CPM: variants seen among roughly 807,000 people sequenced by gnomAD.
CPM encodes the protein carboxypeptidase M.
CPM carries 35 observed loss-of-function variants against 46.4 expected under a neutral mutation model. The ratio of observed to expected loss-of-function variants is 0.75; its 90% CI spans 0.58 to 1.00. The LOEUF is 1.00. Ranked by LOEUF, CPM falls within the 50% of genes least tolerant of loss-of-function variation. CPM has a pLI of 0.00. For synonymous variants in CPM, 195 were observed against 195.3 expected (o/e 1.00, Z 0.01); for missense variants, 422 against 530.4 (o/e 0.80, Z 2.01).
At chr12:68,948,956 T>C (rs1183965896) in intron 1 of CPM, among the ~76,000 whole-genome samples, 1 of 152,188 alleles carries the variant, frequency 6.6e-6, no homozygotes, top group East Asian at 1.9e-4. Context: ...CCACAGTTAT[T>C]TGTGGGAATA....
intron 5 of CPM, chr12:68,844,749 TTAA>T (rs1184746235): frequency 4.8e-6 from 1 of 208,866 alleles, no homozygotes; most frequent in African/African-American, 2.3e-5. Context: ...TTTTAAATCC[TTAA>T]TAAGGGTTTT....
At position 68,856,229 on chromosome 12, in the gene CPM, T is replaced by C. The variant is rs59415987; in HGVS notation, c.*208A>G. ...GAGCAGTACTTGTTAGGTAAGTGTC[T>C]TCCATTCACCGTCAAGACTGAATCA... is the stretch of plus-strand genomic sequence containing the variant. On this transcript the variant is annotated 3_prime_UTR_variant, in exon 9 of 9. Coordinates refer to ENST00000551568, the MANE Select transcript of CPM (RefSeq NM_198320.5). The C allele has an allele frequency of 0.029, 16,616 of 580,866 alleles. 2,068 individuals carry two copies. The highest frequency in any genetic ancestry group is 0.27 in the African/African-American group (14,717 of 53,790). The allele number at this position is 580,866 out of a possible 1,614,324, so 36.0% of individuals were successfully genotyped here. A position where few individuals can be genotyped will look rare whatever the true frequency, so the allele number is the denominator to read the frequency against.
At chr12:68,951,455 C>G (rs531477233) in intron 1 of CPM, among the ~76,000 whole-genome samples, 38 of 152,228 alleles carry the variant, frequency 2.5e-4, no homozygotes, top group African/African-American at 7.2e-4. Context: ...CTAGCTTCAT[C>G]TTGGTGGTGA....
intron 3 of CPM, among the ~76,000 whole-genome samples, chr12:68,882,877 C>T (rs868707759): frequency 4.6e-5 from 7 of 151,876 alleles, no homozygotes; most frequent in African/African-American, 1.2e-4. Flanking sequence ...AAAAAAAGAC[C>T]CAATTCTAAA....
At chr12:68,924,236 C>T (rs1385193020) in intron 2 of CPM, among the ~76,000 whole-genome samples, 1 of 151,546 alleles carries the variant, frequency 6.6e-6, no homozygotes, top group Admixed American at 6.6e-5. Flanking sequence ...GTGGCTCACG[C>T]CTGTAATCCC....
rs1884725312 is a variant in CPM at position 68,852,189 on chromosome 12, ACATCCAACAGTT to A, written c.*4236_*4247del. On this transcript the variant is annotated 3_prime_UTR_variant, in exon 9 of 9. Coordinates refer to ENST00000551568, the MANE Select transcript of CPM (RefSeq NM_198320.5). ...AGAAAAAGCTTTTAACATTTCAGAT[ACATCCAACAGTT>A]CATGTCTGAATGTAATTAAGCATCC... 1 of 152,246 alleles carries A rather than the reference ACATCCAACAGTT, an allele frequency of 6.6e-6. No individual in the cohort carries two copies. The allele number at this position is 152,246 out of a possible 1,614,324, so 9.4% of individuals were successfully genotyped here.
At chr12:68,926,173 C>G (rs1039241600) in intron 2 of CPM, among the ~76,000 whole-genome samples, 1 of 152,184 alleles carries the variant, frequency 6.6e-6, no homozygotes, top group Admixed American at 6.5e-5. Context: ...CTGCCTCAGC[C>G]TCCCAAAGTG....
intron 2 of CPM, among the ~76,000 whole-genome samples, chr12:68,910,836 C>G (rs1177935166): frequency 6.6e-6 from 1 of 152,080 alleles, no homozygotes; most frequent in African/African-American, 2.4e-5. Context: ...AGAAAGCTCT[C>G]ATCTGTGATG....
chr12:68,933,345 G>A (rs1486895629), upstream of CPM: 1 of 152,010 alleles, frequency 6.6e-6, no homozygotes, highest in Admixed American at 6.6e-5. Context: ...GCCCTTTCGT[G>A]GCGCGGCTGC....
At chr12:68,858,002 T>C (rs949078984) in intron 8 of CPM, among the ~76,000 whole-genome samples, 4 of 152,176 alleles carry the variant, frequency 2.6e-5, no homozygotes, top group Non-Finnish European at 5.9e-5. Flanking sequence ...GGATTAGCAA[T>C]TGATAAGCCT....
At chr12:68,895,291 C>T (rs1886824908) in intron 2 of CPM, among the ~76,000 whole-genome samples, 1 of 152,054 alleles carries the variant, frequency 6.6e-6, no homozygotes. Flanking sequence ...TGTACCACTT[C>T]TGGGCAGAGC....
At chr12:68,902,908 G>A (rs978436737) in intron 2 of CPM, among the ~76,000 whole-genome samples, 2 of 152,148 alleles carry the variant, frequency 1.3e-5, no homozygotes, top group African/African-American at 2.4e-5. Flanking sequence ...AATAAAGTAA[G>A]AGCTTCATCT....
intron 5 of CPM, chr12:68,844,176 G>A (rs1884063848): frequency 4.8e-6 from 1 of 207,974 alleles, no homozygotes; most frequent in South Asian, 1.9e-4. Context: ...AAATGATTAA[G>A]AATTGTTTCA....
At chr12:68,872,864 T>C (rs989771913) in intron 3 of CPM, among the ~76,000 whole-genome samples, 1 of 152,120 alleles carries the variant, frequency 6.6e-6, no homozygotes, top group Non-Finnish European at 1.5e-5. Context: ...AAAGCATGAC[T>C]ATTAAAATGT....
intron 1 of CPM, among the ~76,000 whole-genome samples, chr12:68,950,247 G>T (rs1007860071): frequency 3.3e-5 from 5 of 152,122 alleles, no homozygotes; most frequent in African/African-American, 1.2e-4. Context: ...GCTTCAAGAA[G>T]ATATACCACT....
intron 2 of CPM, among the ~76,000 whole-genome samples, chr12:68,899,898 C>T (rs1887045523): frequency 6.6e-6 from 1 of 152,142 alleles, no homozygotes; most frequent in Non-Finnish European, 1.5e-5. Flanking sequence ...CCATTTATCA[C>T]TTCTAATGGT....
At chr12:68,878,200 G>A (rs745911202) in intron 3 of CPM, among the ~76,000 whole-genome samples, 9 of 152,206 alleles carry the variant, frequency 5.9e-5, no homozygotes, top group Admixed American at 1.3e-4. Context: ...TCCATCTTGC[G>A]TCTAACCTTC....
At chr12:68,925,164 T>C (rs1378813233) in intron 2 of CPM, among the ~76,000 whole-genome samples, 4 of 152,238 alleles carry the variant, frequency 2.6e-5, no homozygotes. Context: ...AGAGTTGTTT[T>C]ATTTTTCTTA....
At chr12:68,906,615 G>A (rs1035329154) in intron 2 of CPM, among the ~76,000 whole-genome samples, 7 of 151,824 alleles carry the variant, frequency 4.6e-5, no homozygotes, top group East Asian at 1.9e-4. Flanking sequence ...TCAGCCTCCC[G>A]AGTACCTGGG....
Sources: allele counts gnomAD v4.1 joint callset (sites outside exome capture counted in the v4.1 genomes callset), GRCh38; gene constraint gnomAD v4.1.1; transcripts MANE v1.5; gene names NCBI Gene and HGNC (gene_info 2026-07-23, HGNC 2026-07-21).